Variants in LIMS2 observed in about 807,000 individuals in gnomAD.
The protein encoded by LIMS2 is LIM zinc finger domain containing 2.
LIMS2 carries 30 observed loss-of-function variants against 45.3 expected under a neutral mutation model. That is an observed-to-expected ratio of 0.66 (90% confidence interval 0.50 to 0.90). LIMS2 has a LOEUF of 0.90. LIMS2 is among the 40% of genes least tolerant of loss of function. The probability of loss-of-function intolerance (pLI) is 0.00; values close to 1 mark genes in which losing one functional copy is unlikely to be tolerated. For missense variants in LIMS2, 485 were observed against 468.7 expected (o/e 1.03, Z -0.32); for synonymous variants, 173 against 188.0 (o/e 0.92, Z 0.65).
exon 1 of LIMS2, chr2:127,681,604 C>G (rs1265448186): frequency 6.6e-6 from 1 of 152,298 alleles, no homozygotes; most frequent in African/African-American, 2.4e-5. Flanking sequence ...AGGCGGCCTC[C>G]CCAGGGAGGT....
rs752693744 is a variant in LIMS2 at position 127,640,138 on chromosome 2, C to G, written c.810G>C (p.Ser270=). Reference sequence around the variant, plus strand: ...TCACACACCAGGCCTTGTTGAGGGCCGACACCACTGTGAGGGAAGCGTGGG... The same window carrying G: ...TCACACACCAGGCCTTGTTGAGGGCGGACACCACTGTGAGGGAAGCGTGGG... ...CSHVIEGDVV[S]ALNKAWCVSC... The change falls in exon 9 of 10, where the codon TCG becomes TCC. Residue 270 remains serine, a synonymous_variant. Coordinates refer to ENST00000355119, the MANE Select transcript of LIMS2 (RefSeq NM_001161403.3). The G allele has an allele frequency of 3.5e-5, 56 of 1,613,214 alleles. No individual in the cohort carries two copies. Among genetic ancestry groups the G allele is most frequent in the Non-Finnish European group, 4.5e-5 (53 of 1,180,016 alleles).
chr2:127,652,107 C>A, intron 4 of LIMS2: 2 of 295,178 alleles, frequency 6.8e-6, no homozygotes. Context: ...CGCTCATCGG[C>A]GAGGCTCAGC....
chr2:127,639,239 G>T lies in LIMS2; in HGVS notation c.*42C>A, dbSNP rs377661014. 903 of 1,604,314 alleles carry T rather than the reference G, an allele frequency of 5.6e-4. 11 individuals carry two copies. In the South Asian group the frequency reaches 8.8e-3, roughly 16 times the overall value. On this transcript the variant is annotated 3_prime_UTR_variant, in exon 10 of 10. Transcript: ENST00000355119. ...GGGCCAAGCATGGACAGCAGGAGGG[G>T]AGAAGGCGGAGGGGCCGAGAGGCAG...
At position 127,671,476 on chromosome 2, in the gene LIMS2, G is replaced by A. The variant is rs944260881; in HGVS notation, c.11+3538C>T. Among the ~76,000 whole-genome samples the A allele has an allele frequency of 2.0e-5, 3 of 152,006 alleles. No homozygotes were observed. The highest frequency in any genetic ancestry group is 4.8e-5 in the African/African-American group (2 of 41,394). On this transcript the variant is annotated intron_variant, in intron 1 of 9. Transcript: ENST00000355119. This position sits in a 1 kb window ranked among gnomAD's most constrained non-coding sequence, Gnocchi z 4.1. The stretch of plus-strand genomic sequence containing the variant: ...CTGCATGCGGCACAGCACAGATAGG[G>A]ACAGACAGAAGAAGGATAACCCGCT...
intron 4 of LIMS2, chr2:127,652,269 G>A (rs936639204): frequency 5.7e-6 from 1 of 176,268 alleles, no homozygotes; most frequent in African/African-American, 2.4e-5. Flanking sequence ...TGCCTGAGTT[G>A]AAGAGACACA....
chr2:127,657,038 C>T (rs112832142), intron 2 of LIMS2, among the ~76,000 whole-genome samples: 3 of 152,228 alleles, frequency 2.0e-5, no homozygotes, highest in East Asian at 1.9e-4. Context: ...CACCCCACCC[C>T]GGGAACCCTG....
intron 4 of LIMS2, among the ~76,000 whole-genome samples, chr2:127,648,470 G>A (rs1292035236): frequency 1.3e-5 from 2 of 152,074 alleles, no homozygotes; most frequent in African/African-American, 4.8e-5. Flanking sequence ...CTAGGGCTAG[G>A]GCCACCACCA....
chr2:127,655,486 C>T (rs1684195017), intron 2 of LIMS2: 1 of 157,736 alleles, frequency 6.3e-6, no homozygotes, highest in African/African-American at 2.4e-5. Context: ...CTCTGCTTTC[C>T]TCTAACAATT....
intron 4 of LIMS2, chr2:127,643,522 A>G (rs1248755795): frequency 2.2e-6 from 1 of 456,828 alleles, no homozygotes; most frequent in Admixed American, 2.3e-5. Context: ...TGCCAGATGA[A>G]GAAGGGCCCA....
intron 1 of LIMS2, among the ~76,000 whole-genome samples, chr2:127,668,668 C>CAAAAAAAAAAAAAAAAAAAAAAA (rs70985469): frequency 1.7e-4 from 3 of 17,250 alleles, no homozygotes; most frequent in African/African-American, 1.8e-4. Context: ...GACTCCGTCT[C>CAAAAAAAAAAAAAAAAAAAAAAA]AAAAAAAAAA....
In LIMS2 at chr2:127,653,115, C is replaced by T. The variant is rs1291467481; in HGVS notation, c.359+1309G>A. Among the ~76,000 whole-genome samples, 4 of 152,208 alleles carry T rather than the reference C, an allele frequency of 2.6e-5. No homozygotes were observed. Among genetic ancestry groups the T allele is most frequent in the East Asian group, 3.8e-4 (2 of 5,196 alleles). ...AGACAAGCTGCTCAATGCCAGGCACCGCCCAGCTCCGAGGACAGTGGGCCG... is the reference window on the plus strand; with the variant it reads ...AGACAAGCTGCTCAATGCCAGGCACTGCCCAGCTCCGAGGACAGTGGGCCG... On this transcript the variant is annotated intron_variant, in intron 4 of 9. Coordinates refer to ENST00000355119, the MANE Select transcript of LIMS2 (RefSeq NM_001161403.3). This position sits in a 1 kb window ranked among gnomAD's most constrained non-coding sequence, Gnocchi z 5.3.
upstream of LIMS2, among the ~76,000 whole-genome samples, chr2:127,677,017 A>G (rs1332464197): frequency 6.6e-6 from 1 of 152,204 alleles, no homozygotes; most frequent in African/African-American, 2.4e-5. The surrounding 1 kb of genome is among the most constrained non-coding windows in gnomAD (Gnocchi z 5.0). Context: ...TGGCCAAACC[A>G]GGACCCTATG....
intron 7 of LIMS2, chr2:127,640,558 G>A: frequency 1.7e-6 from 1 of 604,816 alleles, no homozygotes; most frequent in Non-Finnish European, 2.9e-6. Flanking sequence ...GGCCACTGCT[G>A]TCCTGCAAGG....
chr2:127,674,756 C>T, intron 1 of LIMS2: 2 of 985,408 alleles, frequency 2.0e-6, no homozygotes, highest in Non-Finnish European at 2.4e-6. Context: ...TGTGAGCAGA[C>T]GGCTGTCCCA....
At position 127,642,820 on chromosome 2, in the gene LIMS2, T is replaced by C; in HGVS notation, c.509+103A>G. 2.3e-6 allele frequency: 3 copies of C among 1,318,022 alleles called. No homozygotes were observed. The highest frequency in any genetic ancestry group is 3.1e-6 in the Non-Finnish European group (3 of 968,260). 81.6% of individuals were successfully genotyped at this position (1,318,022 alleles called of 1,614,324 possible). ...CCTCTGTCTGCCCACCCTGCTCCCC[T>C]CTCCCTCCTCAACACTTCCCCAGGT... On this transcript the variant is annotated intron_variant, in intron 5 of 9. Coordinates refer to ENST00000355119, the MANE Select transcript of LIMS2 (RefSeq NM_001161403.3). This position sits in a 1 kb window ranked among gnomAD's most constrained non-coding sequence, Gnocchi z 5.3.
upstream of LIMS2, among the ~76,000 whole-genome samples, chr2:127,679,395 C>T (rs541097912): frequency 1.3e-5 from 2 of 152,236 alleles, no homozygotes; most frequent in East Asian, 3.9e-4. This position sits in a 1 kb window ranked among gnomAD's most constrained non-coding sequence, Gnocchi z 5.3. Flanking sequence ...GATGGCATCA[C>T]TGAGGGACAT....
chr2:127,679,759 G>A (rs572061770), upstream of LIMS2, among the ~76,000 whole-genome samples: 24 of 152,242 alleles, frequency 1.6e-4, no homozygotes, highest in South Asian at 3.3e-3. The surrounding 1 kb of genome is among the most constrained non-coding windows in gnomAD (Gnocchi z 5.3). Context: ...AGAACCCGGG[G>A]TCTCAAAGTG....
chr2:127,673,552 A>AG, intron 1 of LIMS2: 1 of 952,190 alleles, frequency 1.1e-6, no homozygotes, highest in Non-Finnish European at 1.6e-6. Context: ...CAAGGGACTC[A>AG]GGGGCAAGAG....
Position 127,639,054 on chromosome 2 carries a change from G to A in LIMS2, c.*227C>T. ...ATGGCTGTCAGACGTGGGGTCATAG[G>A]CTCCCACTCCCCAGCTCCTGCCTCC... On this transcript the variant is annotated 3_prime_UTR_variant, in exon 10 of 10. Transcript: ENST00000355119. 1 of 558,050 alleles carries A rather than the reference G, an allele frequency of 1.8e-6. No homozygotes were observed. Among genetic ancestry groups the A allele is most frequent in the East Asian group, 3.1e-5 (1 of 32,164 alleles). 34.6% of individuals were successfully genotyped at this position (558,050 alleles called of 1,614,324 possible).
Sources: allele counts gnomAD v4.1 joint callset (sites outside exome capture counted in the v4.1 genomes callset), GRCh38; gene constraint gnomAD v4.1.1; non-coding constraint Gnocchi (gnomAD v3.1); transcripts MANE v1.5; gene names NCBI Gene and HGNC (gene_info 2026-07-23, HGNC 2026-07-21).